The following AIG1 variants were observed in gnomAD, a reference collection of about 807,000 sequenced individuals.
AIG1 encodes the protein androgen-induced gene 1 protein.
A neutral mutation model predicts 31.4 loss-of-function variants in AIG1; 23 were observed. The ratio of observed to expected loss-of-function variants is 0.73; its 90% confidence interval spans 0.53 to 1.04. AIG1 has a LOEUF of 1.04. Among genes scored for constraint, AIG1 ranks in the 50% least tolerant of loss-of-function variants. The pLI is 0.00. For missense variants in AIG1, 274 were observed against 295.0 expected, an observed-to-expected ratio of 0.93 and a Z score of 0.52; for synonymous variants, 100 against 110.5, an observed-to-expected ratio of 0.90 and a Z score of 0.60.
chr6:143,157,058 C>T (rs906577671), intron 2 of AIG1, among the ~76,000 whole-genome samples: 2 of 152,174 alleles, frequency 1.3e-5, no homozygotes, highest in Non-Finnish European at 2.9e-5. Context: ...TTAGACCTTG[C>T]AGACCTTGCT....
At position 143,331,807 on chromosome 6, in the gene AIG1, A is replaced by T. The variant is rs1188300399; in HGVS notation, c.516-1475A>T. Among the ~76,000 whole-genome samples the T allele has an allele frequency of 6.6e-6, 1 of 151,174 alleles. No individual in the cohort carries two copies. Among genetic ancestry groups the T allele is most frequent in the African/African-American group, 2.4e-5 (1 of 41,210 alleles). ...CGCAGGTTCTCAGGTATAGATCCCC[A>T]GGTTTCCTGCCAAAAATGAGGTACA... is the stretch of plus-strand genomic sequence containing the variant. On this transcript the variant is annotated intron_variant, in intron 4 of 5. Transcript: ENST00000357847. The surrounding 1 kb of genome is among the most constrained non-coding windows in gnomAD (Gnocchi z 4.1).
chr6:143,162,771 C>T (rs562202932), intron 2 of AIG1, among the ~76,000 whole-genome samples: 4 of 152,156 alleles, frequency 2.6e-5, no homozygotes, highest in South Asian at 2.1e-4. Flanking sequence ...ACACATTTAT[C>T]GCACAGTCTA....
At chr6:143,060,732 G>C (rs1174702468), upstream of AIG1, 3 of 288,090 alleles carry the variant, frequency 1.0e-5, no homozygotes, top group Non-Finnish European at 2.2e-5. Context: ...CGCCCGGCCA[G>C]TACAGGTCAC....
At chr6:143,154,589 G>A (rs1785546048) in intron 2 of AIG1, among the ~76,000 whole-genome samples, 1 of 152,132 alleles carries the variant, frequency 6.6e-6, no homozygotes, top group South Asian at 2.1e-4. Context: ...TCTCGAGCAG[G>A]CAGTCGTGAT....
chr6:143,148,770 C>T (rs1272484097), intron 2 of AIG1, among the ~76,000 whole-genome samples: 2 of 151,596 alleles, frequency 1.3e-5, no homozygotes, highest in Admixed American at 1.3e-4. Context: ...CTGCAGTGAG[C>T]TGTGATCACT....
At chr6:143,236,227 T>A (rs1199368048) in intron 3 of AIG1, among the ~76,000 whole-genome samples, 1 of 152,222 alleles carries the variant, frequency 6.6e-6, no homozygotes, top group African/African-American at 2.4e-5. Context: ...CTGGTGTCCC[T>A]CCTGGTGACC....
In AIG1 at chr6:143,334,203, C is replaced by A; in HGVS notation, c.679+758C>A. 8.9e-7 allele frequency: 1 copy of A among 1,122,872 alleles called. No individual in the cohort carries two copies. Among genetic ancestry groups the A allele is most frequent in the South Asian group, 1.8e-5 (1 of 56,742 alleles). The allele number at this position is 1,122,872 out of a possible 1,614,324, so 69.6% of individuals were successfully genotyped here. A position where few individuals can be genotyped will look rare whatever the true frequency, so the allele number is the denominator to read the frequency against. On this transcript the variant is annotated intron_variant, in intron 5 of 5. Coordinates refer to ENST00000357847, the MANE Select transcript of AIG1 (RefSeq NM_016108.4). This position sits in a 1 kb window ranked among gnomAD's most constrained non-coding sequence, Gnocchi z 5.1. ...CAGCACAGACATGTAGTGATTGAGT[C>A]CTGCATGAAAATACATCCAAAGGCA...
In AIG1 at chr6:143,325,740, A is replaced by G. The variant is rs533529907; in HGVS notation, c.516-7542A>G. Among the ~76,000 whole-genome samples the G allele has an allele frequency of 1.7e-4, 26 of 152,372 alleles. No individual in the cohort carries two copies. Among genetic ancestry groups the G allele is most frequent in the African/African-American group, 5.3e-4 (22 of 41,596 alleles). On this transcript the variant is annotated intron_variant, in intron 4 of 5. Coordinates refer to ENST00000357847, the MANE Select transcript of AIG1 (RefSeq NM_016108.4). The surrounding 1 kb of genome is among the most constrained non-coding windows in gnomAD (Gnocchi z 4.3). The stretch of plus-strand genomic sequence containing the variant: ...ACATAACTGAAATAGAAGTTTCACA[A>G]AATAATTCTTATCATCATTATATGC...
At chr6:143,321,637 A>G (rs1193387019) in intron 4 of AIG1, among the ~76,000 whole-genome samples, 1 of 152,170 alleles carries the variant, frequency 6.6e-6, no homozygotes, top group Non-Finnish European at 1.5e-5. Context: ...GGAACCGCTG[A>G]AAGGGTTGAA....
intron 1 of AIG1, among the ~76,000 whole-genome samples, chr6:143,120,971 G>A (rs1782190852): frequency 6.6e-6 from 1 of 152,236 alleles, no homozygotes; most frequent in African/African-American, 2.4e-5. Context: ...ACAATAGCAT[G>A]AGCAATCTGT....
At chr6:143,335,819 C>T (rs1216047128) in intron 5 of AIG1, among the ~76,000 whole-genome samples, 3 of 151,692 alleles carry the variant, frequency 2.0e-5, no homozygotes, top group Non-Finnish European at 4.4e-5. Flanking sequence ...GCCGGGCGTA[C>T]ATGCCTGTAA....
At chr6:143,230,768 A>G (rs1254874840) in intron 3 of AIG1, among the ~76,000 whole-genome samples, 5 of 152,188 alleles carry the variant, frequency 3.3e-5, no homozygotes, top group Admixed American at 3.3e-4. Context: ...TTGTTCTTAG[A>G]TATAGGAAAG....
intron 1 of AIG1, among the ~76,000 whole-genome samples, chr6:143,119,224 G>A (rs1355625180): frequency 6.6e-6 from 1 of 152,242 alleles, no homozygotes. Flanking sequence ...TGGCTATGTG[G>A]GGATTGTAGA....
intron 1 of AIG1, among the ~76,000 whole-genome samples, chr6:143,080,246 G>A (rs1442510155): frequency 6.6e-6 from 1 of 152,090 alleles, no homozygotes; most frequent in Non-Finnish European, 1.5e-5. Flanking sequence ...ATTTCCTTGG[G>A]AGGGGTGCCT....
At chr6:143,318,520 A>G (rs966525315) in intron 4 of AIG1, among the ~76,000 whole-genome samples, 3 of 152,184 alleles carry the variant, frequency 2.0e-5, no homozygotes, top group African/African-American at 7.2e-5. Flanking sequence ...ACCTAAAACC[A>G]TAAAAATTTT....
intron 1 of AIG1, among the ~76,000 whole-genome samples, chr6:143,122,252 T>G (rs1317549432): frequency 2.6e-5 from 4 of 152,230 alleles, no homozygotes. Context: ...TTCTTTCTTC[T>G]GTCTACTACA....
intron 1 of AIG1, among the ~76,000 whole-genome samples, chr6:143,121,651 A>G (rs1782253183): frequency 6.6e-6 from 1 of 152,204 alleles, no homozygotes; most frequent in Non-Finnish European, 1.5e-5. Context: ...CAACTGGTAG[A>G]AGGGTCCAGT....
chr6:143,337,757 G>A (rs1240127731), intron 5 of AIG1, among the ~76,000 whole-genome samples: 1 of 152,106 alleles, frequency 6.6e-6, no homozygotes, highest in Non-Finnish European at 1.5e-5. Context: ...CAGGTCTAGC[G>A]ATGTCCCAGC....
At chr6:143,107,741 T>C (rs1374519434) in intron 1 of AIG1, among the ~76,000 whole-genome samples, 1 of 152,214 alleles carries the variant, frequency 6.6e-6, no homozygotes, top group Non-Finnish European at 1.5e-5. Flanking sequence ...AATAGTTTTC[T>C]GGGCCCTCGA....
Sources: allele counts gnomAD v4.1 joint callset (sites outside exome capture counted in the v4.1 genomes callset), GRCh38; gene constraint gnomAD v4.1.1; non-coding constraint Gnocchi (gnomAD v3.1); transcripts MANE v1.5; gene names NCBI Gene and HGNC (gene_info 2026-07-23, HGNC 2026-07-21).